The following CLVS1 variants were observed in gnomAD, a reference collection of about 807,000 sequenced individuals.
CLVS1 encodes clavesin 1.
CLVS1 carries 10 observed loss-of-function variants against 33.1 expected under a neutral mutation model. The ratio of observed to expected loss-of-function variants is 0.30; its 90% confidence interval spans 0.19 to 0.51. The LOEUF (loss-of-function observed/expected upper bound fraction) is 0.51. Ranked by LOEUF, CLVS1 falls within the 20% of genes least tolerant of loss-of-function variation. The pLI is 0.97. For synonymous variants in CLVS1, 163 were observed against 166.1 expected (o/e 0.98, Z 0.14); for missense variants, 343 against 433.4 (o/e 0.79, Z 1.85).
At chr8:61,369,002 C>T (rs890570075) in intron 2 of CLVS1, among the ~76,000 whole-genome samples, 1 of 151,502 alleles carries the variant, frequency 6.6e-6, no homozygotes, top group Non-Finnish European at 1.5e-5. Flanking sequence ...TTTCTTCTCC[C>T]TCTCCCTCCC....
At chr8:61,227,414 G>C (rs1304575449) in intron 2 of CLVS1, among the ~76,000 whole-genome samples, 1 of 151,852 alleles carries the variant, frequency 6.6e-6, no homozygotes, top group East Asian at 1.9e-4. Flanking sequence ...TGTACCCTGA[G>C]CTGAAACCAC....
chr8:61,469,355 G>A (rs1196558497), intron 5 of CLVS1, among the ~76,000 whole-genome samples: 2 of 152,124 alleles, frequency 1.3e-5, no homozygotes, highest in Non-Finnish European at 2.9e-5. Flanking sequence ...CTTATGTTCT[G>A]TAAATACCCC....
In CLVS1 at chr8:61,249,788, T is replaced by C. The variant is rs568019106; in HGVS notation, c.-151-49889T>C. 2.0e-5 allele frequency among the ~76,000 whole-genome samples: 3 copies of C among 152,350 alleles called. No individual in the cohort carries two copies. In the South Asian group the frequency reaches 6.2e-4, roughly 32 times the overall value. On this transcript the variant is annotated intron_variant, in intron 2 of 2. Coordinates refer to the CLVS1 transcript ENST00000522621. ...GTTGTTTTTTTCCTGTAAATTTGTT[T>C]AAGTTCTTTGTAGATTCTGGATATT...
chr8:61,335,010 T>C (rs931936123), intron 2 of CLVS1, among the ~76,000 whole-genome samples: 4 of 152,096 alleles, frequency 2.6e-5, no homozygotes, highest in African/African-American at 9.7e-5. Context: ...GGAGTGCCGA[T>C]TGGTCAGAGA....
At chr8:61,016,299 A>G in the CLVS1 span, among the ~76,000 whole-genome samples, 1 of 152,216 alleles carries the variant, frequency 6.6e-6, no homozygotes, top group Non-Finnish European at 1.5e-5. Flanking sequence ...GGTAAGGGGT[A>G]CTCAACCTGT....
At chr8:61,284,746 T>G (rs986490387), upstream of CLVS1, among the ~76,000 whole-genome samples, 3 of 152,188 alleles carry the variant, frequency 2.0e-5, no homozygotes, top group Non-Finnish European at 4.4e-5. Context: ...TAAAATTAAG[T>G]AAGCATTTGA....
chr8:61,203,574 T>C (rs1257464141), intron 2 of CLVS1, among the ~76,000 whole-genome samples: 1 of 152,242 alleles, frequency 6.6e-6, no homozygotes, highest in Non-Finnish European at 1.5e-5. Flanking sequence ...AGCACAGGTC[T>C]TTAAATAAAT....
At chr8:61,118,208 C>T (rs1196866823) in intron 1 of CLVS1, among the ~76,000 whole-genome samples, 5 of 152,042 alleles carry the variant, frequency 3.3e-5, no homozygotes, top group African/African-American at 4.8e-5. Context: ...TCTGTGGGAT[C>T]GGTGGTGATA....
chr8:61,006,808 A>G, the CLVS1 span, among the ~76,000 whole-genome samples: 1 of 152,228 alleles, frequency 6.6e-6, no homozygotes, highest in Non-Finnish European at 1.5e-5. Context: ...GCCCTTCTGT[A>G]GTGCTGCTAA....
intron 1 of CLVS1, among the ~76,000 whole-genome samples, chr8:61,076,728 G>C (rs180967983): frequency 5.8e-4 from 89 of 152,340 alleles, no homozygotes; most frequent in Admixed American, 1.6e-3. Flanking sequence ...TTTGCCAACT[G>C]TTTGGGTGGC....
intron 2 of CLVS1, among the ~76,000 whole-genome samples, chr8:61,187,213 A>G (rs896468387): frequency 6.6e-6 from 1 of 152,174 alleles, no homozygotes; most frequent in African/African-American, 2.4e-5. Flanking sequence ...GGTCATAAAG[A>G]CAGAAATTAA....
chr8:61,264,532 G>C (rs769245071), intron 2 of CLVS1: 1 of 146,444 alleles, frequency 6.8e-6, no homozygotes, highest in Non-Finnish European at 1.5e-5. Flanking sequence ...AATACATCAA[G>C]GTTACACATT....
chr8:61,173,508 C>T (rs1336211668), intron 2 of CLVS1, among the ~76,000 whole-genome samples: 1 of 152,098 alleles, frequency 6.6e-6, no homozygotes, highest in Non-Finnish European at 1.5e-5. Context: ...CTCTTAGCAC[C>T]GCTTTTGCTG....
At chr8:61,241,793 G>A (rs1262604627) in intron 2 of CLVS1, among the ~76,000 whole-genome samples, 3 of 152,268 alleles carry the variant, frequency 2.0e-5, no homozygotes, top group African/African-American at 2.4e-5. Context: ...TTTCCTTTGG[G>A]AATTATTTCA....
At chr8:61,075,183 C>T (rs1410058364) in intron 1 of CLVS1, among the ~76,000 whole-genome samples, 4 of 152,028 alleles carry the variant, frequency 2.6e-5, no homozygotes, top group South Asian at 2.1e-4. Flanking sequence ...GGGAAGGGGC[C>T]GGTGGGATGC....
intron 3 of CLVS1, among the ~76,000 whole-genome samples, chr8:61,424,025 C>G (rs979424835): frequency 1.3e-5 from 2 of 152,182 alleles, no homozygotes; most frequent in African/African-American, 4.8e-5. Flanking sequence ...ATCTTCATCT[C>G]TCTTCCCTTG....
the CLVS1 span, among the ~76,000 whole-genome samples, chr8:61,035,313 C>T: frequency 3.3e-5 from 5 of 151,436 alleles, no homozygotes; most frequent in African/African-American, 1.2e-4. Flanking sequence ...CCTGAGAGCT[C>T]AAAAATCATT....
intron 1 of CLVS1, among the ~76,000 whole-genome samples, chr8:61,124,984 T>TA (rs1415606191): frequency 1.3e-5 from 2 of 152,276 alleles, no homozygotes; most frequent in East Asian, 3.9e-4. Context: ...CTCATAATGG[T>TA]AGCCAACAAT....
chr8:61,059,459 T>TATAC (rs995076225), intron 1 of CLVS1, among the ~76,000 whole-genome samples: 80 of 109,844 alleles, frequency 7.3e-4, no homozygotes, highest in African/African-American at 2.0e-3. Context: ...TACACACACA[T>TATAC]ATACATACAT....
Sources: allele counts gnomAD v4.1 joint callset (sites outside exome capture counted in the v4.1 genomes callset), GRCh38; gene constraint gnomAD v4.1.1; transcripts MANE v1.5; gene names NCBI Gene and HGNC (gene_info 2026-07-23, HGNC 2026-07-21).